Variants in DIAPH2 observed in about 807,000 individuals in gnomAD.
DIAPH2 encodes protein diaphanous homolog 2.
A neutral mutation model predicts 92.7 loss-of-function variants in DIAPH2; 35 were observed. The observed-to-expected ratio is 0.38, with a 90% CI of 0.29 to 0.50. DIAPH2 has a LOEUF of 0.50. Among genes scored for constraint, DIAPH2 ranks in the 20% least tolerant of loss-of-function variants. The probability of loss-of-function intolerance (pLI) is 0.94; values close to 1 mark genes in which losing one functional copy is unlikely to be tolerated. For missense variants in DIAPH2, 701 were observed against 819.5 expected (o/e 0.86, Z 1.77); for synonymous variants, 301 against 280.4 (o/e 1.07, Z -0.73).
At chrX:97,393,906 A>T (rs1178452364) in intron 25 of DIAPH2, among the ~76,000 whole-genome samples, 1 of 111,963 alleles carries the variant, frequency 8.9e-6, no homozygotes, top group African/African-American at 3.2e-5. Flanking sequence ...GTTTACTTCT[A>T]GTGTCATGAT....
At chrX:96,702,610 A>G (rs773513499) in intron 1 of DIAPH2, among the ~76,000 whole-genome samples, 4 of 112,348 alleles carry the variant, frequency 3.6e-5, no homozygotes, top group Admixed American at 9.4e-5. Context: ...TTATTGTGAT[A>G]GAATGGAGAA....
At chrX:97,307,100 T>C (rs6620259) in intron 23 of DIAPH2, among the ~76,000 whole-genome samples, 43,703 of 110,630 alleles carry the variant, frequency 0.4, 6,205 homozygotes, top group East Asian at 0.66. Flanking sequence ...AAATAAGGTT[T>C]TTGAGTAGAA....
chrX:96,810,398 T>A (rs1485270360), intron 4 of DIAPH2, among the ~76,000 whole-genome samples: 18 of 110,648 alleles, frequency 1.6e-4, no homozygotes, highest in Non-Finnish European at 3.0e-4. Flanking sequence ...GTTTGAGTTC[T>A]TTGTAGATTC....
intron 23 of DIAPH2, among the ~76,000 whole-genome samples, chrX:97,261,439 C>T (rs2068287257): frequency 8.9e-6 from 1 of 112,375 alleles, no homozygotes; most frequent in Non-Finnish European, 1.9e-5. Context: ...CAATTTATGA[C>T]TGATTCTTCA....
intron 17 of DIAPH2, among the ~76,000 whole-genome samples, chrX:96,982,407 C>T (rs1385008382): frequency 8.9e-6 from 1 of 112,343 alleles, no homozygotes; most frequent in East Asian, 2.8e-4. Flanking sequence ...TGCCTGGCTT[C>T]ATGTGATAAG....
intron 1 of DIAPH2, among the ~76,000 whole-genome samples, chrX:96,720,640 G>T (rs1327643813): frequency 9.0e-6 from 1 of 111,708 alleles, no homozygotes; most frequent in East Asian, 2.8e-4. Context: ...GAAGCCAGAA[G>T]AAAATTCAAG....
chrX:97,274,353 C>CA (rs1489968057), intron 23 of DIAPH2, among the ~76,000 whole-genome samples: 3 of 108,451 alleles, frequency 2.8e-5, no homozygotes, highest in Non-Finnish European at 5.7e-5. Context: ...ACTAAAAATA[C>CA]AAAAATTAGC....
At chrX:96,726,865 G>A (rs1368318224) in intron 1 of DIAPH2, among the ~76,000 whole-genome samples, 1 of 112,103 alleles carries the variant, frequency 8.9e-6, no homozygotes. Flanking sequence ...TTAGCATAGT[G>A]CCTATAAATG....
At chrX:97,160,745 T>A (rs1167713853) in intron 22 of DIAPH2, among the ~76,000 whole-genome samples, 1 of 111,842 alleles carries the variant, frequency 8.9e-6, no homozygotes, top group Admixed American at 9.5e-5. Context: ...TTTTTAGGTA[T>A]GCTAGTTACT....
rs112311502 is a variant in DIAPH2, at chrX:97,206,746, A to G, written c.2720-40969A>G. On this transcript the variant is annotated intron_variant, in intron 22 of 26. Coordinates refer to ENST00000324765, the MANE Select transcript of DIAPH2 (RefSeq NM_006729.5). ...AAAGAAATTTTTTTTAAATTGATGAAGATAGTATGTTTGACAGAAAAAAAT... is the reference window on the plus strand; with the variant it reads ...AAAGAAATTTTTTTTAAATTGATGAGGATAGTATGTTTGACAGAAAAAAAT... Among the ~76,000 whole-genome samples the G allele has an allele frequency of 9.1e-3, 1,017 of 111,732 alleles. 12 individuals are homozygous for G. The highest frequency in any genetic ancestry group is 0.03 in the African/African-American group (912 of 30,749).
chrX:96,977,606 A>G (rs1043598414), intron 17 of DIAPH2, among the ~76,000 whole-genome samples: 3 of 111,963 alleles, frequency 2.7e-5, no homozygotes, highest in Non-Finnish European at 5.6e-5. Flanking sequence ...GCACAATAAC[A>G]AGTGTTCTGT....
intron 17 of DIAPH2, among the ~76,000 whole-genome samples, chrX:97,022,620 AT>A (rs1389972628): frequency 8.9e-6 from 1 of 112,103 alleles, no homozygotes; most frequent in East Asian, 2.8e-4. Flanking sequence ...TGGAAATATC[AT>A]TGGCAAATTT....
chrX:97,093,978 A>T (rs1433196743), intron 19 of DIAPH2, among the ~76,000 whole-genome samples: 1 of 112,094 alleles, frequency 8.9e-6, no homozygotes, highest in Admixed American at 9.5e-5. Flanking sequence ...TTTTTAGGAA[A>T]AATTGTCAGA....
chrX:97,356,024 C>T (rs1163119433), intron 24 of DIAPH2, among the ~76,000 whole-genome samples: 1 of 111,844 alleles, frequency 8.9e-6, no homozygotes, highest in Non-Finnish European at 1.9e-5. Flanking sequence ...ATGAAAATGC[C>T]TATGTGTGGG....
At chrX:96,805,042 T>G (rs1244645128) in intron 4 of DIAPH2, among the ~76,000 whole-genome samples, 2 of 111,197 alleles carry the variant, frequency 1.8e-5, no homozygotes, top group Non-Finnish European at 3.8e-5. Context: ...GTGAGTTCCC[T>G]GGTGATAACC....
At chrX:97,312,644 C>T (rs866396283) in intron 23 of DIAPH2, among the ~76,000 whole-genome samples, 17 of 111,202 alleles carry the variant, frequency 1.5e-4, no homozygotes, top group South Asian at 1.1e-3. Flanking sequence ...CCAGTGCACC[C>T]GGCAAGAATC....
chrX:97,068,777 C>T (rs2066649606), intron 17 of DIAPH2, among the ~76,000 whole-genome samples: 1 of 111,899 alleles, frequency 8.9e-6, no homozygotes, highest in Non-Finnish European at 1.9e-5. Context: ...GATCACAATT[C>T]TTATATTTGT....
At chrX:97,077,878 C>A (rs1375314512) in intron 19 of DIAPH2, among the ~76,000 whole-genome samples, 3 of 111,636 alleles carry the variant, frequency 2.7e-5, no homozygotes, top group African/African-American at 9.8e-5. Flanking sequence ...TAAAAGTACA[C>A]CATATCCTGA....
At chrX:97,155,330 G>A (rs1015624979) in intron 22 of DIAPH2, among the ~76,000 whole-genome samples, 3 of 109,981 alleles carry the variant, frequency 2.7e-5, no homozygotes, top group Admixed American at 9.7e-5. Flanking sequence ...GTAAAACCCC[G>A]TCTCTACGAA....
Sources: allele counts gnomAD v4.1 joint callset (sites outside exome capture counted in the v4.1 genomes callset), GRCh38; gene constraint gnomAD v4.1.1; transcripts MANE v1.5; gene names NCBI Gene and HGNC (gene_info 2026-07-23, HGNC 2026-07-21).